The following MTMR10 variants were observed in gnomAD, a reference collection of about 807,000 sequenced individuals.
MTMR10 encodes myotubularin-related protein 10.
Under a neutral mutation model 88.1 loss-of-function variants are expected in MTMR10, and 56 were observed. That is an observed-to-expected ratio of 0.64 (90% CI 0.51 to 0.79). The LOEUF is 0.79. Among genes scored for constraint, MTMR10 ranks in the 30% least tolerant of loss-of-function variants. The pLI is 0.00. For missense variants in MTMR10, 883 were observed against 924.7 expected (o/e 0.95, Z 0.58); for synonymous variants, 380 against 340.9 (o/e 1.11, Z -1.26).
chr15:30,929,921 CAT>C, the MTMR10 span, among the ~76,000 whole-genome samples: 38,898 of 87,308 alleles, frequency 0.45, 10,995 homozygotes, highest in East Asian at 0.9. Flanking sequence ...TAATATATAT[CAT>C]ATATAATATA....
At chr15:30,933,092 A>C in the MTMR10 span, among the ~76,000 whole-genome samples, 1 of 151,880 alleles carries the variant, frequency 6.6e-6, no homozygotes, top group Non-Finnish European at 1.5e-5. Flanking sequence ...GATATTGGTA[A>C]TTTGTGTCTT....
At chr15:30,991,282 C>A (rs1020641843) in intron 1 of MTMR10, 165 bp downstream of exon 1, 1 of 624,086 alleles carries the variant, frequency 1.6e-6, no homozygotes, top group Non-Finnish European at 2.5e-6. Context: ...CCAGTGGGGG[C>A]TCCCGAGAAG....
chr15:30,934,707 T>C (rs2062805612), downstream of MTMR10, among the ~76,000 whole-genome samples: 1 of 152,216 alleles, frequency 6.6e-6, no homozygotes, highest in African/African-American at 2.4e-5. Flanking sequence ...TTGCATTTGA[T>C]AGCTTTGCTG....
chr15:30,941,602 A>T lies in MTMR10; in HGVS notation c.2202T>A (p.Phe734Leu). ...HHTDTSGTPE[F>L]LSSSFPFSPV... Reference sequence around the variant, plus strand: ...GAGAAAATGGAAATGAGGAGGAGAGAAACTCCGGTGTCCCCGAGGTGTCGG... The same window carrying T: ...GAGAAAATGGAAATGAGGAGGAGAGTAACTCCGGTGTCCCCGAGGTGTCGG... Residue 734 changes from phenylalanine to leucine, a missense_variant, in exon 16 of 16, where the codon TTT becomes TTA. Physicochemically the swap from Phe to Leu is conservative, Grantham distance 22. Coordinates refer to ENST00000435680, the MANE Select transcript of MTMR10 (RefSeq NM_017762.3). The T allele has an allele frequency of 6.2e-7, 1 of 1,600,144 alleles. No homozygotes were observed. Among genetic ancestry groups the T allele is most frequent in the Non-Finnish European group, 8.5e-7 (1 of 1,172,882 alleles).
At chr15:30,921,655 G>A in the MTMR10 span, among the ~76,000 whole-genome samples, 1 of 152,160 alleles carries the variant, frequency 6.6e-6, no homozygotes, top group African/African-American at 2.4e-5. Context: ...AAACTTGCAT[G>A]TGTATGGGGA....
At chr15:30,981,604 C>T (rs367748188) in intron 2 of MTMR10, among the ~76,000 whole-genome samples, 2 of 152,260 alleles carry the variant, frequency 1.3e-5, no homozygotes, top group African/African-American at 4.8e-5. Flanking sequence ...AGGGTATCCA[C>T]AGATTCTTCT....
At chr15:30,970,321 A>T (rs1397949780) in intron 5 of MTMR10, among the ~76,000 whole-genome samples, 1 of 152,144 alleles carries the variant, frequency 6.6e-6, no homozygotes, top group Non-Finnish European at 1.5e-5. Context: ...AAAGTTAGAT[A>T]ACTATGAATG....
intron 10 of MTMR10, among the ~76,000 whole-genome samples, chr15:30,954,316 C>T (rs925458978): frequency 8.5e-5 from 13 of 152,120 alleles, no homozygotes; most frequent in Admixed American, 1.3e-4. Flanking sequence ...TGACTCATCC[C>T]GCAGGACACA....
chr15:30,932,203 C>T, the MTMR10 span, among the ~76,000 whole-genome samples: 266 of 112,170 alleles, frequency 2.4e-3, no homozygotes, highest in African/African-American at 9.1e-3. Flanking sequence ...GCCTGGGCAA[C>T]AGAGCGAGAC....
chr15:30,971,872 G>A (rs1000900096), intron 5 of MTMR10, among the ~76,000 whole-genome samples: 3 of 152,048 alleles, frequency 2.0e-5, no homozygotes, highest in African/African-American at 7.2e-5. Context: ...GTGACAGCTC[G>A]AGGATAATGA....
chr15:30,924,321 C>T, the MTMR10 span, among the ~76,000 whole-genome samples: 2 of 152,112 alleles, frequency 1.3e-5, no homozygotes, highest in Non-Finnish European at 2.9e-5. Flanking sequence ...TGTTTCAGTC[C>T]CTGGTTTCAA....
intron 6 of MTMR10, among the ~76,000 whole-genome samples, chr15:30,964,309 G>C (rs2063446889): frequency 6.6e-6 from 1 of 152,224 alleles, no homozygotes; most frequent in South Asian, 2.1e-4. Context: ...TTGGGTTGCA[G>C]ACTTTAATAA....
At chr15:30,959,180 C>T in intron 7 of MTMR10, 59 bp from the exon 8 acceptor site, 2 of 1,394,268 alleles carry the variant, frequency 1.4e-6, no homozygotes, top group Non-Finnish European at 2.0e-6. Flanking sequence ...TAGTGTGCTC[C>T]TGCAGACCCT....
Position 30,941,275 on chromosome 15 carries a change from A to G in MTMR10, c.*195T>C. Reference sequence around the variant, plus strand: ...AGACCTGTAATGACAGAAAGAGGACAGGAACAAAATTTACATCTCTCTTAA... The same window carrying G: ...AGACCTGTAATGACAGAAAGAGGACGGGAACAAAATTTACATCTCTCTTAA... On this transcript the variant is annotated 3_prime_UTR_variant, in exon 16 of 16. Coordinates refer to ENST00000435680, the MANE Select transcript of MTMR10 (RefSeq NM_017762.3). 2 of 1,491,890 alleles carry G rather than the reference A, an allele frequency of 1.3e-6. No individual in the cohort carries two copies. The highest frequency in any genetic ancestry group is 1.8e-6 in the Non-Finnish European group (2 of 1,119,788). The allele number at this position is 1,491,890 out of a possible 1,614,324, so 92.4% of individuals were successfully genotyped here. A position where few individuals can be genotyped will look rare whatever the true frequency, so the allele number is the denominator to read the frequency against.
At chr15:30,946,921 A>G (rs1324807008) in intron 14 of MTMR10, 5 of 648,368 alleles carry the variant, frequency 7.7e-6, no homozygotes, top group South Asian at 6.8e-5. Flanking sequence ...AAACATTTAC[A>G]TTAGAGTAAA....
rs539001061 is a variant in MTMR10 at position 30,943,150 on chromosome 15, A to C, written c.1549-78T>G. ...CCTTTTTTCAGATGAGCCACTCATCATTACACAGGTTAAATGTTCTGTACT... is the reference window on the plus strand; with the variant it reads ...CCTTTTTTCAGATGAGCCACTCATCCTTACACAGGTTAAATGTTCTGTACT... On this transcript the variant is annotated intron_variant, in intron 14 of 15. Coordinates refer to ENST00000435680, the MANE Select transcript of MTMR10 (RefSeq NM_017762.3). 1.2e-4 allele frequency: 182 copies of C among 1,485,640 alleles called. No homozygotes were observed. In the South Asian group the frequency reaches 2.4e-3, roughly 20 times the overall value. The allele number at this position is 1,485,640 out of a possible 1,614,324, so 92.0% of individuals were successfully genotyped here. A position where few individuals can be genotyped will look rare whatever the true frequency, so the allele number is the denominator to read the frequency against.
the MTMR10 span, chr15:30,925,333 T>TA: frequency 6.4e-7 from 1 of 1,573,934 alleles, no homozygotes; most frequent in African/African-American, 1.4e-5. Flanking sequence ...TAGGCGCGTG[T>TA]ACCTGGTTTT....
At chr15:30,968,072 T>A (rs1165124791) in intron 5 of MTMR10, 62 bp from the exon 6 acceptor site, 7 of 1,244,608 alleles carry the variant, frequency 5.6e-6, no homozygotes. Flanking sequence ...AAATGTACAA[T>A]AAGGCCTTGG....
chr15:30,969,132 TTAACCA>T (rs1262044841), intron 5 of MTMR10, among the ~76,000 whole-genome samples: 1 of 152,188 alleles, frequency 6.6e-6, no homozygotes, highest in Non-Finnish European at 1.5e-5. Context: ...GCACATTTCA[TTAACCA>T]GTAAGCATGT....
Sources: allele counts gnomAD v4.1 joint callset (sites outside exome capture counted in the v4.1 genomes callset), GRCh38; gene constraint gnomAD v4.1.1; transcripts MANE v1.5; gene names NCBI Gene and HGNC (gene_info 2026-07-23, HGNC 2026-07-21).